The following RABGAP1 variants were observed in gnomAD, a reference collection of about 807,000 sequenced individuals.
RABGAP1 encodes the protein rab GTPase-activating protein 1.
A neutral mutation model predicts 137.6 loss-of-function variants in RABGAP1; 23 were observed. The ratio of observed to expected loss-of-function variants is 0.17; its 90% CI spans 0.12 to 0.24. The LOEUF is 0.24. Ranked by LOEUF, RABGAP1 falls within the 10% of genes least tolerant of loss-of-function variation. The pLI, the probability that RABGAP1 is intolerant of heterozygous loss-of-function variation, is 1.00. For synonymous variants in RABGAP1, 451 were observed against 450.7 expected (o/e 1.00, Z -0.01); for missense variants, 906 against 1,275.8 (o/e 0.71, Z 4.42).
intron 2 of RABGAP1, among the ~76,000 whole-genome samples, chr9:122,971,362 A>G (rs1419721588): frequency 6.6e-6 from 1 of 152,144 alleles, no homozygotes; most frequent in Non-Finnish European, 1.5e-5. Flanking sequence ...CTACTCTGGA[A>G]GAACATACTT....
At position 122,978,899 on chromosome 9, in the gene RABGAP1, T is replaced by C. The variant is rs62580263; in HGVS notation, c.151-5586T>C. ...ATTCATTTTATTTTATTTTATTTTA[T>C]TTTACTTTATTTTATTTTATTTTAA... On this transcript the variant is annotated intron_variant, in intron 2 of 25. Coordinates refer to ENST00000373647, the MANE Select transcript of RABGAP1 (RefSeq NM_012197.4). Among the ~76,000 whole-genome samples, 3 of 32,102 alleles carry C rather than the reference T, an allele frequency of 9.3e-5. No homozygotes were observed. The South Asian group carries it at 5.2e-3, about 56-fold the overall frequency. 21.1% of individuals were successfully genotyped at this position (32,102 alleles called of 152,430 possible).
At chr9:123,047,935 T>G (rs1242825475) in intron 13 of RABGAP1, among the ~76,000 whole-genome samples, 3 of 74,494 alleles carry the variant, frequency 4.0e-5, no homozygotes, top group East Asian at 1.6e-3. Flanking sequence ...TTTTTTTTTT[T>G]TTTTTTTTTT....
chr9:123,059,986 A>C (rs1022321348), intron 13 of RABGAP1, among the ~76,000 whole-genome samples: 4 of 152,258 alleles, frequency 2.6e-5, no homozygotes, highest in Non-Finnish European at 2.9e-5. Context: ...AGGAAGAGAC[A>C]GAATCCAGAC....
At chr9:123,068,479 G>C (rs1310338564) in intron 14 of RABGAP1, among the ~76,000 whole-genome samples, 1 of 151,934 alleles carries the variant, frequency 6.6e-6, no homozygotes, top group Non-Finnish European at 1.5e-5. Context: ...TATCTTCAAA[G>C]ACATTGCCTG....
At chr9:123,011,196 T>C (rs2030775509) in intron 11 of RABGAP1, among the ~76,000 whole-genome samples, 1 of 151,528 alleles carries the variant, frequency 6.6e-6, no homozygotes, top group South Asian at 2.1e-4. Flanking sequence ...TATAAGATCA[T>C]GTGAGCCATG....
chr9:123,032,092 T>G (rs1316911468), intron 13 of RABGAP1, among the ~76,000 whole-genome samples: 1 of 152,202 alleles, frequency 6.6e-6, no homozygotes, highest in African/African-American at 2.4e-5. Context: ...CCTTCAGGAT[T>G]CAGAGGAGCC....
chr9:122,944,802 C>G (rs1052747456), intron 1 of RABGAP1, among the ~76,000 whole-genome samples: 5 of 151,858 alleles, frequency 3.3e-5, no homozygotes, highest in African/African-American at 1.2e-4. Flanking sequence ...GTCTCGAACT[C>G]CTGACCTCAG....
At chr9:123,047,927 T>G (rs866272450) in intron 13 of RABGAP1, among the ~76,000 whole-genome samples, 2 of 61,070 alleles carry the variant, frequency 3.3e-5, no homozygotes, top group Non-Finnish European at 4.8e-5. Flanking sequence ...GGGTTTTTTT[T>G]TTTTTTTTTT....
chr9:122,984,615 G>A lies in RABGAP1; in HGVS notation c.281G>A (p.Gly94Glu), dbSNP rs1836268946. The change falls in exon 3 of 26, where the codon GGG becomes GAG. Residue 94 changes from glycine (G) to glutamate (E), a missense_variant. By Grantham distance (98) the Gly-to-Glu change is moderately conservative. Coordinates refer to ENST00000373647, the MANE Select transcript of RABGAP1 (RefSeq NM_012197.4). ...TCACAACTGGATGGTGAAGGAGATG[G>A]GCCTCTTTCTAATCAGCTCTCCGCT... ...KRSQLDGEGD[G>E]PLSNQLSASS... is the part of the protein sequence containing the mutation. The A allele has an allele frequency of 6.2e-7, 1 of 1,614,158 alleles. No individual in the cohort carries two copies. The highest frequency in any genetic ancestry group is 8.5e-7 in the Non-Finnish European group (1 of 1,180,022).
chr9:122,964,451 T>G (rs75485244), intron 2 of RABGAP1, among the ~76,000 whole-genome samples: 1,570 of 152,114 alleles, frequency 0.01, 5 homozygotes, highest in Non-Finnish European at 0.015. Flanking sequence ...ATCTATAGAA[T>G]AAAAAGCAAA....
At chr9:123,032,612 T>C (rs2032365276) in intron 13 of RABGAP1, among the ~76,000 whole-genome samples, 1 of 152,218 alleles carries the variant, frequency 6.6e-6, no homozygotes, top group African/African-American at 2.4e-5. Flanking sequence ...TTGGATCACA[T>C]GTTTTTACTC....
intron 6 of RABGAP1, chr9:122,990,868 A>T (rs1386661982): frequency 5.5e-5 from 7 of 126,846 alleles, no homozygotes; most frequent in Non-Finnish European, 9.5e-5. Context: ...ATTTGTAGCT[A>T]TATTTGTTTT....
rs762536237 is a variant in RABGAP1 at position 123,035,591 on chromosome 9, G to T, written c.1794+15132G>T. ...GACCCTTACACAGTTAGAAGCAAAGGCCCTCTTAATGGATGTCATATCTGA... is the reference window on the plus strand; with the variant it reads ...GACCCTTACACAGTTAGAAGCAAAGTCCCTCTTAATGGATGTCATATCTGA... On this transcript the variant is annotated intron_variant, in intron 13 of 25. Coordinates refer to ENST00000373647, the MANE Select transcript of RABGAP1 (RefSeq NM_012197.4). 27 of 1,597,656 alleles carry T rather than the reference G, an allele frequency of 1.7e-5. No homozygotes were observed. The highest frequency in any genetic ancestry group is 1.3e-5 in the African/African-American group (1 of 74,114).
At chr9:122,990,332 AT>A (rs1836602246) in intron 6 of RABGAP1, 119 bp downstream of exon 6, 4 of 893,728 alleles carry the variant, frequency 4.5e-6, no homozygotes, top group Non-Finnish European at 6.3e-6. Context: ...TTTAAAAAAA[AT>A]CTGGATGATA....
chr9:122,949,622 G>T (rs1232508572), intron 1 of RABGAP1, among the ~76,000 whole-genome samples: 2 of 150,520 alleles, frequency 1.3e-5, no homozygotes, highest in Non-Finnish European at 2.9e-5. Context: ...TTGAACTCTG[G>T]AGGCAGAGGT....
intron 2 of RABGAP1, among the ~76,000 whole-genome samples, chr9:122,973,251 C>G (rs1022973532): frequency 6.0e-5 from 9 of 150,818 alleles, no homozygotes; most frequent in Non-Finnish European, 1.5e-5. Flanking sequence ...CTTTTTTTTG[C>G]TTTTGAGACG....
At position 123,074,268 on chromosome 9, in the gene RABGAP1, T is replaced by G; in HGVS notation, c.2110-17T>G. 1 of 1,613,416 alleles carries G rather than the reference T, an allele frequency of 6.2e-7. No individual in the cohort carries two copies. Among genetic ancestry groups the G allele is most frequent in the Non-Finnish European group, 8.5e-7 (1 of 1,179,622 alleles). ...CAGATGCATATGTGCCCAGAACTAA[T>G]TGGTTTGCTATTTCAGGAATACATT... On this transcript the variant is annotated splice_polypyrimidine_tract_variant and intron_variant, in intron 16 of 25. Coordinates refer to ENST00000373647, the MANE Select transcript of RABGAP1 (RefSeq NM_012197.4).
chr9:122,944,454 A>C (rs1187179263), intron 1 of RABGAP1, among the ~76,000 whole-genome samples: 1 of 152,004 alleles, frequency 6.6e-6, no homozygotes, highest in East Asian at 1.9e-4. Context: ...GTTATCAAAC[A>C]CCTGGCCTCA....
chr9:123,039,246 T>A (rs937707129), intron 13 of RABGAP1, among the ~76,000 whole-genome samples: 14 of 152,156 alleles, frequency 9.2e-5, no homozygotes, highest in African/African-American at 3.4e-4. Context: ...ATGCTCATCC[T>A]CCTAAAATGA....
Sources: gnomAD v4.1 joint callset for allele counts (sites outside exome capture counted in the v4.1 genomes callset) on GRCh38, gnomAD v4.1.1 for gene constraint, MANE v1.5 for transcripts, NCBI Gene and HGNC (gene_info 2026-07-23, HGNC 2026-07-21) for gene names.